Variants in GLYATL1 observed in about 807,000 individuals in gnomAD.
GLYATL1 encodes the protein glycine N-acyltransferase-like protein 1.
Under a neutral mutation model 20.0 loss-of-function variants are expected in GLYATL1, and 15 were observed. That is an observed-to-expected ratio of 0.75 (90% CI 0.50 to 1.15). The LOEUF (loss-of-function observed/expected upper bound fraction) is 1.15. Among genes scored for constraint, GLYATL1 ranks in the 50% most tolerant of loss-of-function variants. GLYATL1 has a pLI of 0.00. For missense variants in GLYATL1, 380 were observed against 368.5 expected, an observed-to-expected ratio of 1.03 and a Z score of -0.26; for synonymous variants, 151 against 131.5, an observed-to-expected ratio of 1.15 and a Z score of -1.01.
chr11:58,919,124 C>T (rs886842108), intron 1 of GLYATL1, among the ~76,000 whole-genome samples: 2 of 152,230 alleles, frequency 1.3e-5, no homozygotes, highest in Non-Finnish European at 2.9e-5. Flanking sequence ...GTCTGTCAGA[C>T]TTATAGGCAT....
At chr11:58,927,177 C>T (rs192277124), upstream of GLYATL1, among the ~76,000 whole-genome samples, 4 of 151,412 alleles carry the variant, frequency 2.6e-5, no homozygotes, top group Admixed American at 2.6e-4. Flanking sequence ...CATGGGCCCT[C>T]CTTAATCTCT....
At chr11:58,924,125 G>A (rs1855370091), upstream of GLYATL1, among the ~76,000 whole-genome samples, 1 of 152,142 alleles carries the variant, frequency 6.6e-6, no homozygotes, top group African/African-American at 2.4e-5. Flanking sequence ...TTGTCACTGT[G>A]GCTGGCCCTG....
upstream of GLYATL1, chr11:58,935,209 G>A (rs1048932107): frequency 1.3e-5 from 2 of 152,386 alleles, no homozygotes; most frequent in Non-Finnish European, 2.9e-5. Context: ...CACCAGGCAA[G>A]CCTGGAGCCT....
chr11:58,937,463 A>C (rs1230677148), upstream of GLYATL1, among the ~76,000 whole-genome samples: 1 of 152,210 alleles, frequency 6.6e-6, no homozygotes, highest in Non-Finnish European at 1.5e-5. Context: ...ATTTGAGAGC[A>C]TGAGAGTCTC....
intron 1 of GLYATL1, among the ~76,000 whole-genome samples, chr11:58,922,404 C>T (rs1855330613): frequency 6.6e-6 from 1 of 152,172 alleles, no homozygotes; most frequent in African/African-American, 2.4e-5. Context: ...GTTTGTTCTC[C>T]TCCCTGGATG....
upstream of GLYATL1, chr11:58,935,677 A>G (rs1438252205): frequency 6.6e-6 from 1 of 152,192 alleles, no homozygotes; most frequent in Non-Finnish European, 1.5e-5. Flanking sequence ...GTGGCTCAGC[A>G]GCATCAGAGA....
intron 1 of GLYATL1, chr11:58,943,173 G>A: frequency 8.1e-7 from 1 of 1,229,254 alleles, no homozygotes; most frequent in South Asian, 1.8e-5. Context: ...GTCCTTGTGG[G>A]TAAACTGTAA....
At chr11:58,918,045 A>G (rs892269369) in intron 1 of GLYATL1, among the ~76,000 whole-genome samples, 1 of 151,858 alleles carries the variant, frequency 6.6e-6, no homozygotes, top group Non-Finnish European at 1.5e-5. Flanking sequence ...GCTTCACTAC[A>G]ATTTTTTTCT....
At chr11:58,909,162 T>C (rs924184833), downstream of GLYATL1, among the ~76,000 whole-genome samples, 2 of 152,180 alleles carry the variant, frequency 1.3e-5, no homozygotes, top group Non-Finnish European at 2.9e-5. Flanking sequence ...AGCAGTGTCA[T>C]ATGAGACAGA....
In GLYATL1 at chr11:58,954,976, G is replaced by A. The variant is rs181011157; in HGVS notation, c.313+80G>A. ...ACTAACAGCATTAGCATCACCTGAGGGCTCATTAGAAATGTAAATTCACAG... is the reference window on the plus strand; with the variant it reads ...ACTAACAGCATTAGCATCACCTGAGAGCTCATTAGAAATGTAAATTCACAG... On this transcript the variant is annotated intron_variant, in intron 5 of 6. Coordinates refer to ENST00000532726, the MANE Select transcript of GLYATL1 (RefSeq NM_001389712.2). 1.4e-4 allele frequency: 194 copies of A among 1,424,274 alleles called. 2 individuals carry two copies. The Admixed American group carries it at 4.0e-3, about 29-fold the overall frequency. The allele number at this position is 1,424,274 out of a possible 1,614,324, so 88.2% of individuals were successfully genotyped here.
chr11:58,933,601 TA>T (rs1245485003), intron 1 of GLYATL1: 6 of 152,356 alleles, frequency 3.9e-5, no homozygotes, highest in East Asian at 1.9e-4. Context: ...CATAAACTAT[TA>T]TTTTTTTAGG....
intron 1 of GLYATL1, among the ~76,000 whole-genome samples, chr11:58,940,443 T>C (rs1856056929): frequency 6.6e-6 from 1 of 152,178 alleles, no homozygotes; most frequent in Non-Finnish European, 1.5e-5. Flanking sequence ...TGTCTAGATG[T>C]GTCTTTGGGT....
rs80261111 is a variant in GLYATL1, at chr11:58,907,479, G to T, written n.477G>T. The T allele has an allele frequency of 1.3e-5, 5 of 389,732 alleles. No homozygotes were observed. The Middle Eastern group carries it at 1.6e-3, about 128-fold the overall frequency. 24.1% of individuals were successfully genotyped at this position (389,732 alleles called of 1,614,324 possible). A position where few individuals can be genotyped will look rare whatever the true frequency, so the allele number is the denominator to read the frequency against. On this transcript the variant is annotated non_coding_transcript_exon_variant, in exon 2 of 2. Coordinates refer to the GLYATL1 transcript ENST00000524629. The stretch of plus-strand genomic sequence containing the variant: ...TATTTCATGTATTTCGCTCTTTTTT[G>T]TTTGTTTTGTTTTGTTTTGTTTTCA...
chr11:58,936,150 G>A (rs1376752708), upstream of GLYATL1, among the ~76,000 whole-genome samples: 1 of 152,138 alleles, frequency 6.6e-6, no homozygotes, highest in Non-Finnish European at 1.5e-5. Flanking sequence ...TAACATAATA[G>A]GACTTATTGT....
chr11:58,947,097 C>G lies in GLYATL1; in HGVS notation c.10C>G (p.Leu4Val), dbSNP rs780024562. The change falls in exon 3 of 7, where the codon CTG becomes GTG. Residue 4 changes from leucine (L) to valine (V), a missense_variant. By Grantham distance (32) the Leu-to-Val change is conservative. Coordinates refer to ENST00000532726, the MANE Select transcript of GLYATL1 (RefSeq NM_001389712.2). ...TGAAGCATCCCACAGAATGATCCTA[C>G]TGAATAACTCCCATAAGCTGCTGGC... MIL[L>V]NNSHKLLALY... 6 of 1,613,988 alleles carry G rather than the reference C, an allele frequency of 3.7e-6. No individual in the cohort carries two copies. In the South Asian group the frequency reaches 4.4e-5, roughly 12 times the overall value.
At chr11:58,935,704 T>G (rs1342373698), upstream of GLYATL1, 1 of 152,032 alleles carries the variant, frequency 6.6e-6, no homozygotes, top group African/African-American at 2.4e-5. Flanking sequence ...TCCTGCTAAT[T>G]TGGAAAGAAA....
At chr11:58,917,846 C>T (rs1855212295) in intron 1 of GLYATL1, among the ~76,000 whole-genome samples, 1 of 152,218 alleles carries the variant, frequency 6.6e-6, no homozygotes, top group Admixed American at 6.5e-5. Context: ...TCCTTTCAGT[C>T]CTGGCTTCTT....
At chr11:58,933,566 A>C (rs995259563) in intron 1 of GLYATL1, 23 of 152,108 alleles carry the variant, frequency 1.5e-4, no homozygotes, top group African/African-American at 5.3e-4. Flanking sequence ...AATGACAATT[A>C]TTTTAAATTC....
At chr11:58,948,141 A>C (rs1486082246) in intron 4 of GLYATL1, among the ~76,000 whole-genome samples, 176 bp downstream of exon 4, 1 of 152,174 alleles carries the variant, frequency 6.6e-6, no homozygotes, top group Non-Finnish European at 1.5e-5. Context: ...CTTCGTGTAA[A>C]GCATAGGACC....
Sources: allele counts gnomAD v4.1 joint callset (sites outside exome capture counted in the v4.1 genomes callset), GRCh38; gene constraint gnomAD v4.1.1; transcripts MANE v1.5; gene names NCBI Gene and HGNC (gene_info 2026-07-23, HGNC 2026-07-21).